CCNH: variants seen among roughly 807,000 people sequenced by gnomAD.
CCNH encodes the protein cyclin H, also known as cyclin-H.
Under a neutral mutation model 41.9 loss-of-function variants are expected in CCNH, and 31 were observed. The observed-to-expected ratio is 0.74, with a 90% CI of 0.56 to 1.00. The LOEUF is 1.00. CCNH is among the 50% of genes least tolerant of loss of function. CCNH has a pLI of 0.00. For synonymous variants in CCNH, 138 were observed against 136.1 expected (o/e 1.01, Z -0.10); for missense variants, 362 against 388.4 (o/e 0.93, Z 0.57).
intron 9 of CCNH, among the ~76,000 whole-genome samples, chr5:87,349,990 A>G (rs1274046294): frequency 6.6e-6 from 1 of 151,898 alleles, no homozygotes; most frequent in Non-Finnish European, 1.5e-5. Flanking sequence ...GTTTTCCTAT[A>G]ACTAATAACT....
At chr5:87,396,542 T>C (rs1018237522) in intron 7 of CCNH, among the ~76,000 whole-genome samples, 11 of 152,106 alleles carry the variant, frequency 7.2e-5, no homozygotes, top group Non-Finnish European at 1.5e-4. Context: ...GGAGAACTGC[T>C]TGAACCCGGG....
At chr5:87,346,345 C>G (rs1758857255) in intron 9 of CCNH, among the ~76,000 whole-genome samples, 1 of 151,844 alleles carries the variant, frequency 6.6e-6, no homozygotes, top group Non-Finnish European at 1.5e-5. Context: ...TCTATCTGTA[C>G]TACTCCTCCT....
chr5:87,343,280 A>G (rs1352581775), intron 9 of CCNH, among the ~76,000 whole-genome samples: 1 of 152,170 alleles, frequency 6.6e-6, no homozygotes, highest in Non-Finnish European at 1.5e-5. Flanking sequence ...GCCTTCTCAA[A>G]TCTTAAATAA....
intron 9 of CCNH, among the ~76,000 whole-genome samples, chr5:87,343,200 C>T (rs1484464141): frequency 6.6e-6 from 1 of 152,112 alleles, no homozygotes; most frequent in Non-Finnish European, 1.5e-5. Context: ...CTTTCCAGCT[C>T]CCTATTTACA....
chr5:87,389,627 A>T, downstream of CCNH: 4 of 1,498,008 alleles, frequency 2.7e-6, no homozygotes, highest in Non-Finnish European at 2.8e-6. Flanking sequence ...ATCTTGTTAC[A>T]TTAAATTTTT....
At chr5:87,386,967 T>C, downstream of CCNH, 9 of 1,372,930 alleles carry the variant, frequency 6.6e-6, no homozygotes, top group Non-Finnish European at 9.3e-6. Context: ...AGTTAACCCA[T>C]TTAAGCAGCA....
intron 5 of CCNH, among the ~76,000 whole-genome samples, chr5:87,402,948 T>C (rs533237195): frequency 3.0e-4 from 46 of 152,276 alleles, no homozygotes; most frequent in Admixed American, 1.2e-3. Flanking sequence ...TTTGAACTTA[T>C]AATATTGTGG....
At chr5:87,382,852 CAGG>C (rs1445007030) in intron 9 of CCNH, among the ~76,000 whole-genome samples, 4 of 151,628 alleles carry the variant, frequency 2.6e-5, no homozygotes, top group Non-Finnish European at 4.4e-5. Context: ...TAGACCAAGA[CAGG>C]AGGATTGCTT....
At chr5:87,358,577 T>C (rs1759833315) in intron 9 of CCNH, among the ~76,000 whole-genome samples, 1 of 152,238 alleles carries the variant, frequency 6.6e-6, no homozygotes, top group African/African-American at 2.4e-5. Context: ...CTTTGTCCCC[T>C]TATGCTGCAT....
chr5:87,381,744 C>T (rs1021597655), upstream of CCNH, among the ~76,000 whole-genome samples: 3 of 152,182 alleles, frequency 2.0e-5, no homozygotes, highest in African/African-American at 7.2e-5. Flanking sequence ...TAAATTAAAA[C>T]TGTTCTATAA....
chr5:87,350,529 A>G (rs991463927), intron 9 of CCNH, among the ~76,000 whole-genome samples: 52 of 151,748 alleles, frequency 3.4e-4, no homozygotes, highest in African/African-American at 1.2e-3. Flanking sequence ...TCGTTTTGTT[A>G]CTAACTTAAA....
chr5:87,328,307 C>T (rs1046147511), intron 9 of CCNH, among the ~76,000 whole-genome samples: 5 of 114,836 alleles, frequency 4.4e-5, no homozygotes, highest in African/African-American at 6.9e-5. Context: ...TTGAGGTATT[C>T]TAGATTCCAG....
At chr5:87,382,926 A>T (rs1309093560) in intron 9 of CCNH, among the ~76,000 whole-genome samples, 1 of 149,250 alleles carries the variant, frequency 6.7e-6, no homozygotes, top group Admixed American at 6.6e-5. Context: ...CTACAAAAAT[A>T]ATTAAAAAAA....
intron 9 of CCNH, among the ~76,000 whole-genome samples, chr5:87,326,504 T>C (rs1018647306): frequency 6.6e-6 from 1 of 152,226 alleles, no homozygotes; most frequent in Non-Finnish European, 1.5e-5. Flanking sequence ...TATGTACTTC[T>C]TGAATTTCCT....
chr5:87,406,406 T>C (rs748606163), intron 4 of CCNH, among the ~76,000 whole-genome samples: 34 of 152,154 alleles, frequency 2.2e-4, no homozygotes, highest in Non-Finnish European at 3.8e-4. Context: ...GTCAGAAACC[T>C]GGGGGTTCTT....
In CCNH at chr5:87,338,522, TATATATATATAAA is replaced by T. The variant is rs1442377673; in HGVS notation, c.*91-19638_*91-19626del. 1.7e-4 allele frequency among the ~76,000 whole-genome samples: 17 copies of T among 101,426 alleles called. 1 individual carries two copies. Among genetic ancestry groups the T allele is most frequent in the Admixed American group, 4.0e-4 (4 of 9,976 alleles). 66.5% of individuals were successfully genotyped at this position (101,426 alleles called of 152,430 possible). A position where few individuals can be genotyped will look rare whatever the true frequency, so the allele number is the denominator to read the frequency against. On this transcript the variant is annotated intron_variant and NMD_transcript_variant, in intron 9 of 9. Transcript: ENST00000645953. ...AATTTTATATATATATATATATATA[TATATATATATAAA>T]ATTTTTTTTTTTTTTAAGTAGAAAT...
At chr5:87,333,621 T>C (rs1373981213) in intron 9 of CCNH, among the ~76,000 whole-genome samples, 3 of 152,212 alleles carry the variant, frequency 2.0e-5, no homozygotes, top group Non-Finnish European at 4.4e-5. Flanking sequence ...ATCTATATGC[T>C]ATGTAAATTT....
chr5:87,378,665 C>A, upstream of CCNH: 6 of 971,586 alleles, frequency 6.2e-6, no homozygotes, highest in South Asian at 4.6e-5. Flanking sequence ...AGCAGTTACA[C>A]CTGTCTGTAA....
chr5:87,386,966 A>G, downstream of CCNH: 5 of 1,378,578 alleles, frequency 3.6e-6, no homozygotes, highest in Non-Finnish European at 3.1e-6. Context: ...GAGTTAACCC[A>G]TTTAAGCAGC....
Sources: gnomAD v4.1 joint callset for allele counts (sites outside exome capture counted in the v4.1 genomes callset) on GRCh38, gnomAD v4.1.1 for gene constraint, MANE v1.5 for transcripts, NCBI Gene and HGNC (gene_info 2026-07-23, HGNC 2026-07-21) for gene names.